Variants in TMEM178B observed in about 807,000 individuals in gnomAD.
TMEM178B encodes transmembrane protein 178B.
In TMEM178B, 5 loss-of-function variants were observed where a neutral mutation model predicts 31.0. The observed-to-expected ratio is 0.16, with a 90% confidence interval of 0.08 to 0.34. The LOEUF (loss-of-function observed/expected upper bound fraction) is 0.34, where lower values mean the gene tolerates loss of function less well. Among genes scored for constraint, TMEM178B ranks in the 10% least tolerant of loss-of-function variants. The pLI, the probability that TMEM178B is intolerant of heterozygous loss-of-function variation, is 1.00. For missense variants in TMEM178B, 275 were observed against 400.3 expected, an observed-to-expected ratio of 0.69 and a Z score of 2.67; for synonymous variants, 164 against 164.0, an observed-to-expected ratio of 1.00 and a Z score of 0.00.
chr7:141,211,539 TA>T (rs1212770811), intron 1 of TMEM178B, among the ~76,000 whole-genome samples: 2 of 152,148 alleles, frequency 1.3e-5, no homozygotes, highest in African/African-American at 4.8e-5. Context: ...AAACCAAATT[TA>T]AAACCCCCTA....
chr7:141,193,255 C>T (rs1394323389), intron 1 of TMEM178B, among the ~76,000 whole-genome samples: 1 of 152,230 alleles, frequency 6.6e-6, no homozygotes, highest in Admixed American at 6.5e-5. Flanking sequence ...TTCTGTTCAC[C>T]ACAGTGAATG....
intron 1 of TMEM178B, among the ~76,000 whole-genome samples, chr7:141,186,107 G>C (rs780141356): frequency 2.4e-4 from 36 of 152,150 alleles, no homozygotes; most frequent in Non-Finnish European, 4.7e-4. Context: ...TTGGGTAGGG[G>C]TGTGTATGTG....
intron 2 of TMEM178B, among the ~76,000 whole-genome samples, chr7:141,314,757 C>T (rs533687710): frequency 2.0e-5 from 3 of 152,322 alleles, no homozygotes; most frequent in African/African-American, 7.2e-5. Context: ...TGTCTCTCCA[C>T]TTTTCCTGGA....
Position 141,150,357 on chromosome 7 carries a change from A to C in TMEM178B, c.383-62234A>C, listed in dbSNP as rs562592325. On this transcript the variant is annotated intron_variant, in intron 1 of 3. Coordinates refer to ENST00000565468, the MANE Select transcript of TMEM178B (RefSeq NM_001195278.2). ...GATGCAATTTTTCCCCCACAGCTAC[A>C]TGGGCTCAGTTATATGTATGTTTCT... 4.6e-5 allele frequency among the ~76,000 whole-genome samples: 7 copies of C among 152,298 alleles called. No homozygotes were observed. The South Asian group carries it at 1.2e-3, about 27-fold the overall frequency.
chr7:141,282,448 T>A (rs1382677923), intron 2 of TMEM178B, among the ~76,000 whole-genome samples: 1 of 152,250 alleles, frequency 6.6e-6, no homozygotes, highest in African/African-American at 2.4e-5. Flanking sequence ...CACCTGCCTA[T>A]AATCAGTAGG....
At chr7:141,415,293 ACT>A (rs1269581850) in intron 2 of TMEM178B, 1 of 152,660 alleles carries the variant, frequency 6.6e-6, no homozygotes. Context: ...GAGCAGAGAA[ACT>A]CTGGAAAGAC....
chr7:141,277,481 C>G (rs1586865748), intron 2 of TMEM178B, among the ~76,000 whole-genome samples: 1 of 152,180 alleles, frequency 6.6e-6, no homozygotes, highest in Non-Finnish European at 1.5e-5. Context: ...CCTAGGATAA[C>G]AATGCCTTCC....
intron 2 of TMEM178B, among the ~76,000 whole-genome samples, chr7:141,298,616 C>T (rs1312948166): frequency 6.6e-6 from 1 of 152,200 alleles, no homozygotes; most frequent in Non-Finnish European, 1.5e-5. Flanking sequence ...TCTCACTAAT[C>T]TGGAATGTAT....
chr7:141,079,490 A>T (rs1794650521), intron 1 of TMEM178B, among the ~76,000 whole-genome samples: 1 of 152,224 alleles, frequency 6.6e-6, no homozygotes, highest in Non-Finnish European at 1.5e-5. Flanking sequence ...GTTTCAGATG[A>T]GTATAATTCC....
At chr7:141,198,763 G>T (rs554634627) in intron 1 of TMEM178B, among the ~76,000 whole-genome samples, 2 of 152,084 alleles carry the variant, frequency 1.3e-5, no homozygotes, top group African/African-American at 4.8e-5. Flanking sequence ...TCTCCTTCTC[G>T]CCTCGTTTGT....
intron 2 of TMEM178B, among the ~76,000 whole-genome samples, chr7:141,327,541 A>G (rs1295895979): frequency 6.6e-6 from 1 of 152,160 alleles, no homozygotes; most frequent in Non-Finnish European, 1.5e-5. Flanking sequence ...AGATTTCATG[A>G]ATTTTGACAA....
intron 2 of TMEM178B, among the ~76,000 whole-genome samples, chr7:141,309,111 A>G (rs1586883986): frequency 6.6e-6 from 1 of 152,200 alleles, no homozygotes; most frequent in African/African-American, 2.4e-5. Flanking sequence ...TTGCAACAAT[A>G]ATACATTTAC....
At chr7:141,192,972 G>A (rs568898519) in intron 1 of TMEM178B, among the ~76,000 whole-genome samples, 1 of 152,198 alleles carries the variant, frequency 6.6e-6, no homozygotes, top group African/African-American at 2.4e-5. Flanking sequence ...CTGTAAGCAG[G>A]AAAAAATGTA....
intron 1 of TMEM178B, among the ~76,000 whole-genome samples, chr7:141,101,406 G>A (rs746722392): frequency 2.6e-5 from 4 of 152,176 alleles, no homozygotes; most frequent in Non-Finnish European, 5.9e-5. Flanking sequence ...GATTTCTTCA[G>A]CAACAAACCT....
At chr7:141,353,366 C>T (rs1409532447) in intron 2 of TMEM178B, among the ~76,000 whole-genome samples, 1 of 152,120 alleles carries the variant, frequency 6.6e-6, no homozygotes, top group East Asian at 1.9e-4. Flanking sequence ...GCTGGCATGC[C>T]CTCACCCCAC....
intron 1 of TMEM178B, among the ~76,000 whole-genome samples, chr7:141,183,615 C>T (rs1796564201): frequency 6.6e-6 from 1 of 152,198 alleles, no homozygotes; most frequent in South Asian, 2.1e-4. Flanking sequence ...CTTGCCTTCT[C>T]TCCTCCTTCT....
intron 1 of TMEM178B, among the ~76,000 whole-genome samples, chr7:141,135,526 A>T (rs1375617417): frequency 1.3e-5 from 2 of 152,238 alleles, no homozygotes; most frequent in African/African-American, 4.8e-5. Context: ...AATCATATCA[A>T]GTATCTTCTC....
chr7:141,324,285 G>GAATGT (rs1331194243), intron 2 of TMEM178B, among the ~76,000 whole-genome samples: 1 of 152,114 alleles, frequency 6.6e-6, no homozygotes, highest in Non-Finnish European at 1.5e-5. Context: ...CCAGGTAGCA[G>GAATGT]AATGTAGCAG....
At chr7:141,432,489 C>T (rs1017553193) in intron 2 of TMEM178B, among the ~76,000 whole-genome samples, 6 of 152,146 alleles carry the variant, frequency 3.9e-5, no homozygotes, top group South Asian at 2.1e-4. Context: ...CTACTGTGTG[C>T]GTTTTGTTAA....
Sources: gnomAD v4.1 joint callset for allele counts (sites outside exome capture counted in the v4.1 genomes callset) on GRCh38, gnomAD v4.1.1 for gene constraint, MANE v1.5 for transcripts, NCBI Gene and HGNC (gene_info 2026-07-23, HGNC 2026-07-21) for gene names.